The following SPATA16 variants were observed in gnomAD, a reference collection of about 807,000 sequenced individuals.
SPATA16 encodes spermatogenesis associated 16, also known as spermatogenesis-associated protein 16.
SPATA16 carries 36 observed loss-of-function variants against 63.3 expected under a neutral mutation model. That is an observed-to-expected ratio of 0.57 (90% CI 0.44 to 0.75). SPATA16 has a LOEUF of 0.75. Among genes scored for constraint, SPATA16 ranks in the 30% least tolerant of loss-of-function variants. The pLI, the probability that SPATA16 is intolerant of heterozygous loss-of-function variation, is 0.00. For synonymous variants in SPATA16, 203 were observed against 216.7 expected (o/e 0.94, Z 0.56); for missense variants, 646 against 679.3 (o/e 0.95, Z 0.54).
chr3:173,027,570 A>G (rs1560100707), intron 3 of SPATA16, among the ~76,000 whole-genome samples: 1 of 151,204 alleles, frequency 6.6e-6, no homozygotes, highest in Non-Finnish European at 1.5e-5. Flanking sequence ...TCTCTGTCCC[A>G]TTCCTCTCTC....
intron 1 of SPATA16, among the ~76,000 whole-genome samples, chr3:173,127,239 TA>T (rs2108344972): frequency 6.6e-6 from 1 of 152,350 alleles, no homozygotes; most frequent in African/African-American, 2.4e-5. Context: ...TTATTTTTGC[TA>T]AGCTGTTTGA....
At chr3:173,044,283 T>A (rs968247560) in intron 3 of SPATA16, among the ~76,000 whole-genome samples, 1 of 152,202 alleles carries the variant, frequency 6.6e-6, no homozygotes, top group African/African-American at 2.4e-5. Flanking sequence ...TTAAAAAATC[T>A]TTTATTGTCT....
At chr3:173,008,309 C>T (rs1734988744) in intron 4 of SPATA16, among the ~76,000 whole-genome samples, 1 of 152,122 alleles carries the variant, frequency 6.6e-6, no homozygotes, top group Admixed American at 6.6e-5. Flanking sequence ...CAATTTATAG[C>T]AATCCTACTA....
chr3:172,909,859 T>C (rs2109557296), intron 10 of SPATA16, among the ~76,000 whole-genome samples: 1 of 152,318 alleles, frequency 6.6e-6, no homozygotes, highest in Admixed American at 6.5e-5. Flanking sequence ...TCATAGGATG[T>C]GCTCCTATGA....
intron 4 of SPATA16, among the ~76,000 whole-genome samples, chr3:172,980,094 C>T (rs1734263677): frequency 6.6e-6 from 1 of 152,158 alleles, no homozygotes; most frequent in Non-Finnish European, 1.5e-5. Flanking sequence ...ACTGCTCAGC[C>T]CTCATGAATC....
At chr3:173,098,265 C>A (rs1022489915) in intron 2 of SPATA16, among the ~76,000 whole-genome samples, 2 of 152,174 alleles carry the variant, frequency 1.3e-5, no homozygotes, top group African/African-American at 4.8e-5. Flanking sequence ...GTATTTTTAA[C>A]TCCATATACC....
chr3:172,903,167 C>A (rs922949212), intron 10 of SPATA16, among the ~76,000 whole-genome samples: 3 of 152,144 alleles, frequency 2.0e-5, no homozygotes, highest in Non-Finnish European at 4.4e-5. Flanking sequence ...AAATGCTGGA[C>A]TGCCAAGCAA....
chr3:173,051,692 A>G lies in SPATA16; in HGVS notation c.613-2598T>C, dbSNP rs1057323886. Among the ~76,000 whole-genome samples, 6 of 151,976 alleles carry G rather than the reference A, an allele frequency of 3.9e-5. 1 individual carries two copies. Among genetic ancestry groups the G allele is most frequent in the African/African-American group, 7.3e-5 (3 of 41,364 alleles). On this transcript the variant is annotated intron_variant, in intron 2 of 10. Coordinates refer to ENST00000351008, the MANE Select transcript of SPATA16 (RefSeq NM_031955.6). The stretch of plus-strand genomic sequence containing the variant: ...CTTTGTTTCCTCAAATCTTACTCAA[A>G]TCTCCTCTTCACATAAAATCTTAAA...
intron 3 of SPATA16, among the ~76,000 whole-genome samples, chr3:173,035,241 C>G (rs61226895): frequency 1.3e-5 from 2 of 152,000 alleles, no homozygotes; most frequent in Non-Finnish European, 2.9e-5. Flanking sequence ...AACAGTTAAA[C>G]TGTGCGATGC....
chr3:172,961,030 C>CTCTT (rs1173409218), intron 5 of SPATA16, among the ~76,000 whole-genome samples: 5,799 of 55,018 alleles, frequency 0.11, 564 homozygotes, highest in African/African-American at 0.23. Context: ...CTCTCTTTCT[C>CTCTT]TCTTTCTTTC....
intron 5 of SPATA16, among the ~76,000 whole-genome samples, chr3:172,958,790 CGT>C (rs1169476231): frequency 1.3e-5 from 2 of 151,162 alleles, no homozygotes; most frequent in Non-Finnish European, 2.9e-5. Context: ...TGTGCACGCA[CGT>C]GTGTGTGTGT....
At chr3:173,089,645 A>G (rs1737172840) in intron 2 of SPATA16, among the ~76,000 whole-genome samples, 1 of 152,128 alleles carries the variant, frequency 6.6e-6, no homozygotes, top group African/African-American at 2.4e-5. Context: ...CAGGAATGTG[A>G]ACGACGAGGA....
chr3:173,028,015 C>CTCCCTTCT (rs1560100971), intron 3 of SPATA16, among the ~76,000 whole-genome samples: 112 of 55,466 alleles, frequency 2.0e-3, no homozygotes, highest in East Asian at 3.6e-3. Flanking sequence ...CCCTCCCTCC[C>CTCCCTTCT]TTCCTTCTTT....
intron 3 of SPATA16, among the ~76,000 whole-genome samples, chr3:173,042,053 A>G (rs922992314): frequency 2.0e-5 from 3 of 152,164 alleles, no homozygotes; most frequent in Non-Finnish European, 4.4e-5. Context: ...GAATCAATTC[A>G]TTCTAAAACT....
chr3:172,942,421 A>G (rs999711059), intron 6 of SPATA16, among the ~76,000 whole-genome samples: 1 of 152,212 alleles, frequency 6.6e-6, no homozygotes, highest in Non-Finnish European at 1.5e-5. Context: ...TGAATTTATT[A>G]ATATCAGACA....
At chr3:172,959,159 T>G (rs1733676998) in intron 5 of SPATA16, among the ~76,000 whole-genome samples, 1 of 152,208 alleles carries the variant, frequency 6.6e-6, no homozygotes, top group African/African-American at 2.4e-5. Flanking sequence ...CAGGCTAGGA[T>G]AGAAGAAAAC....
intron 4 of SPATA16, among the ~76,000 whole-genome samples, chr3:172,988,373 T>C (rs1734501940): frequency 6.6e-6 from 1 of 152,238 alleles, no homozygotes; most frequent in Non-Finnish European, 1.5e-5. Flanking sequence ...GTTTCTCAAC[T>C]GCAGTCACTC....
intron 4 of SPATA16, among the ~76,000 whole-genome samples, chr3:172,984,477 A>T (rs1258790979): frequency 2.0e-5 from 3 of 152,192 alleles, no homozygotes; most frequent in Non-Finnish European, 4.4e-5. Context: ...AAGGAGACTC[A>T]GCTTTGATAA....
At chr3:172,953,783 A>C (rs546317327) in intron 6 of SPATA16, among the ~76,000 whole-genome samples, 16 of 152,196 alleles carry the variant, frequency 1.1e-4, no homozygotes, top group Non-Finnish European at 2.4e-4. Flanking sequence ...AGCTAAACCA[A>C]ACCACAGGGA....
Sources: gnomAD v4.1 joint callset for allele counts (sites outside exome capture counted in the v4.1 genomes callset) on GRCh38, gnomAD v4.1.1 for gene constraint, MANE v1.5 for transcripts, NCBI Gene and HGNC (gene_info 2026-07-23, HGNC 2026-07-21) for gene names.